The following KIRREL3 variants were observed in gnomAD, a reference collection of about 807,000 sequenced individuals.
The protein encoded by KIRREL3 is kin of IRRE-like protein 3.
A neutral mutation model predicts 89.7 loss-of-function variants in KIRREL3; 36 were observed. The observed-to-expected ratio is 0.40, with a 90% confidence interval of 0.31 to 0.53. The LOEUF is 0.53. KIRREL3 is among the 20% of genes least tolerant of loss of function. KIRREL3 has a pLI of 0.49. For synonymous variants in KIRREL3, 445 were observed against 441.4 expected (o/e 1.01, Z -0.10); for missense variants, 864 against 1,056.6 (o/e 0.82, Z 2.53).
rs968852542 is a variant in KIRREL3, at chr11:126,515,531, G to T, written c.433+5784C>A. ...GGGCTCCAGAGAAGGCTTCCTGGAG[G>T]AGGAGTTGTCTGAGGTGAATCTTGA... On this transcript the variant is annotated intron_variant, in intron 4 of 16. Coordinates refer to ENST00000525144, the MANE Select transcript of KIRREL3 (RefSeq NM_032531.4). The surrounding 1 kb of genome is among the most constrained non-coding windows in gnomAD (Gnocchi z 4.2). Among the ~76,000 whole-genome samples the T allele has an allele frequency of 7.2e-5, 11 of 152,230 alleles. No individual in the cohort carries two copies. The highest frequency in any genetic ancestry group is 1.2e-4 in the Non-Finnish European group (8 of 68,044).
At chr11:126,794,380 T>C (rs1285456549) in intron 1 of KIRREL3, among the ~76,000 whole-genome samples, 1 of 152,176 alleles carries the variant, frequency 6.6e-6, no homozygotes, top group Non-Finnish European at 1.5e-5. Context: ...ATGGGCTTTT[T>C]AGGCAGAAGA....
intron 1 of KIRREL3, among the ~76,000 whole-genome samples, chr11:126,933,779 G>A (rs79885297): frequency 9.5e-5 from 14 of 146,924 alleles, no homozygotes; most frequent in South Asian, 2.1e-4. Context: ...CACCAAAAAG[G>A]AAAAAAAAAA....
intron 1 of KIRREL3, among the ~76,000 whole-genome samples, chr11:126,678,372 G>A (rs1565642962): frequency 6.6e-6 from 1 of 151,936 alleles, no homozygotes; most frequent in East Asian, 1.9e-4. Context: ...AGGCCGAGGC[G>A]GGCAGATCAC....
chr11:126,626,074 C>G (rs1943772014), intron 1 of KIRREL3, among the ~76,000 whole-genome samples: 1 of 152,182 alleles, frequency 6.6e-6, no homozygotes, highest in African/African-American at 2.4e-5. Flanking sequence ...GGAATCAGAA[C>G]CCTGCTGGGG....
chr11:126,772,649 A>G lies in KIRREL3; in HGVS notation c.56-209737T>C, dbSNP rs1001348316. Reference sequence around the variant, plus strand: ...TGCTAACTCATGTTTGTCAAAAAGCATCCCTCTCCTGGTACTCATGCCCAC... The same window carrying G: ...TGCTAACTCATGTTTGTCAAAAAGCGTCCCTCTCCTGGTACTCATGCCCAC... On this transcript the variant is annotated intron_variant, in intron 1 of 16. Transcript: ENST00000525144. The surrounding 1 kb of genome is among the most constrained non-coding windows in gnomAD (Gnocchi z 4.6). Among the ~76,000 whole-genome samples the G allele has an allele frequency of 6.6e-6, 1 of 152,184 alleles. No homozygotes were observed. The highest frequency in any genetic ancestry group is 2.4e-5 in the African/African-American group (1 of 41,444).
chr11:126,815,096 T>G (rs1390632039), intron 1 of KIRREL3, among the ~76,000 whole-genome samples: 4 of 152,180 alleles, frequency 2.6e-5, no homozygotes, highest in African/African-American at 9.7e-5. Context: ...AGAAAGTCTC[T>G]TACGGTGTTG....
chr11:126,589,746 T>C (rs568536564), intron 1 of KIRREL3, among the ~76,000 whole-genome samples: 1 of 152,270 alleles, frequency 6.6e-6, no homozygotes, highest in East Asian at 1.9e-4. Flanking sequence ...TCAGCCTCAG[T>C]TTCCCTACTA....
chr11:126,433,589 G>C (rs1056331130), intron 13 of KIRREL3, among the ~76,000 whole-genome samples: 3 of 152,232 alleles, frequency 2.0e-5, no homozygotes, highest in Non-Finnish European at 2.9e-5. Context: ...TGGACACTTA[G>C]GGATTGAAAC....
intron 1 of KIRREL3, among the ~76,000 whole-genome samples, chr11:126,629,245 G>A (rs1488515374): frequency 6.6e-6 from 1 of 152,176 alleles, no homozygotes; most frequent in East Asian, 1.9e-4. Flanking sequence ...CTGTGCACAT[G>A]TGGGTAGAGG....
chr11:126,786,589 A>G (rs1368679501), intron 1 of KIRREL3, among the ~76,000 whole-genome samples: 13 of 152,234 alleles, frequency 8.5e-5, no homozygotes. Flanking sequence ...CCTAACAGAG[A>G]CACACTGACT....
Position 126,551,934 on chromosome 11 carries a change from C to G in KIRREL3, c.133+10901G>C, listed in dbSNP as rs909121535. On this transcript the variant is annotated intron_variant, in intron 2 of 16. Transcript: ENST00000525144. The surrounding 1 kb of genome is among the most constrained non-coding windows in gnomAD (Gnocchi z 4.9). The stretch of plus-strand genomic sequence containing the variant: ...GTGCTGGGATTACAGGCGTGAGCCA[C>G]TGTGCCCAGCCTGCAGGCTTTCTTT... Among the ~76,000 whole-genome samples the G allele has an allele frequency of 6.6e-6, 1 of 152,244 alleles. No individual in the cohort carries two copies. Among genetic ancestry groups the G allele is most frequent in the African/African-American group, 2.4e-5 (1 of 41,464 alleles).
rs182254507 is a variant in KIRREL3, at chr11:126,860,734, A to G, written c.55+139721T>C. On this transcript the variant is annotated intron_variant, in intron 1 of 16. Coordinates refer to ENST00000525144, the MANE Select transcript of KIRREL3 (RefSeq NM_032531.4). This position sits in a 1 kb window ranked among gnomAD's most constrained non-coding sequence, Gnocchi z 4.6. ...CAGGGTGGAGAATGGGTGGCAGGCC[A>G]GTGAGGAGGCTCCTGCCCTGGTCCA... Among the ~76,000 whole-genome samples the G allele has an allele frequency of 2.1e-4, 32 of 152,352 alleles. No homozygotes were observed. Among genetic ancestry groups the G allele is most frequent in the African/African-American group, 7.0e-4 (29 of 41,590 alleles).
At position 126,544,368 on chromosome 11, in the gene KIRREL3, G is replaced by A. The variant is rs1938613208; in HGVS notation, c.134-17681C>T. The A allele has an allele frequency of 1.3e-5, 2 of 152,198 alleles. No homozygotes were observed. The highest frequency in any genetic ancestry group is 2.9e-5 in the Non-Finnish European group (2 of 68,036). 9.4% of individuals were successfully genotyped at this position (152,198 alleles called of 1,614,324 possible). A position where few individuals can be genotyped will look rare whatever the true frequency, so the allele number is the denominator to read the frequency against. On this transcript the variant is annotated intron_variant, in intron 2 of 16. Coordinates refer to ENST00000525144, the MANE Select transcript of KIRREL3 (RefSeq NM_032531.4). The surrounding 1 kb of genome is among the most constrained non-coding windows in gnomAD (Gnocchi z 5.6). ...AACGGGGCAGGAGGGATTCTGAATG[G>A]GAGGTATTGTAACCCCTTGAATCAA...
chr11:126,919,922 G>T (rs562493435), intron 1 of KIRREL3, among the ~76,000 whole-genome samples: 2 of 152,158 alleles, frequency 1.3e-5, no homozygotes, highest in South Asian at 2.1e-4. Flanking sequence ...AACAATAGGA[G>T]GATACTACTA....
At chr11:126,757,005 C>T (rs544796105) in intron 1 of KIRREL3, among the ~76,000 whole-genome samples, 1 of 152,214 alleles carries the variant, frequency 6.6e-6, no homozygotes, top group Admixed American at 6.5e-5. Context: ...GGCTCCAATT[C>T]TCACATTTTT....
chr11:126,756,107 T>A (rs1949491447), intron 1 of KIRREL3, among the ~76,000 whole-genome samples: 1 of 152,208 alleles, frequency 6.6e-6, no homozygotes, highest in African/African-American at 2.4e-5. Flanking sequence ...ATTTGGCCAA[T>A]AAAGCTCATA....
At chr11:126,881,862 A>T in intron 1 of KIRREL3, among the ~76,000 whole-genome samples, 1 of 152,160 alleles carries the variant, frequency 6.6e-6, no homozygotes, top group East Asian at 1.9e-4. Context: ...CAACTTTAAA[A>T]AACCGAAACA....
chr11:126,511,327 GA>G (rs34288117), intron 4 of KIRREL3, among the ~76,000 whole-genome samples: 54,196 of 145,044 alleles, frequency 0.37, 10,612 homozygotes, highest in African/African-American at 0.51. Flanking sequence ...CCATCTCAAA[GA>G]AAAAAAAAAA....
chr11:126,885,370 A>T (rs1439622813), intron 1 of KIRREL3, among the ~76,000 whole-genome samples: 1 of 152,212 alleles, frequency 6.6e-6, no homozygotes, highest in Non-Finnish European at 1.5e-5. Flanking sequence ...CAGCAACATG[A>T]AAACATAGAG....
Sources: allele counts gnomAD v4.1 joint callset (sites outside exome capture counted in the v4.1 genomes callset), GRCh38; gene constraint gnomAD v4.1.1; non-coding constraint Gnocchi (gnomAD v3.1); transcripts MANE v1.5; gene names NCBI Gene and HGNC (gene_info 2026-07-23, HGNC 2026-07-21).